Variants in BTG4 observed in about 807,000 individuals in gnomAD.
The protein encoded by BTG4 is BTG anti-proliferation factor 4, also known as protein BTG4.
BTG4 carries 10 observed loss-of-function variants against 19.3 expected under a neutral mutation model. That is an observed-to-expected ratio of 0.52 (90% CI 0.32 to 0.88). The LOEUF (loss-of-function observed/expected upper bound fraction) is 0.88, where lower values mean the gene tolerates loss of function less well. BTG4 is among the 40% of genes least tolerant of loss of function. The pLI is 0.04. For missense variants in BTG4, 238 were observed against 281.9 expected, an observed-to-expected ratio of 0.84 and a Z score of 1.11; for synonymous variants, 91 against 95.7, an observed-to-expected ratio of 0.95 and a Z score of 0.29.
the BTG4 span, among the ~76,000 whole-genome samples, chr11:111,411,694 G>C: frequency 0.22 from 33,121 of 152,118 alleles, 3,710 homozygotes; most frequent in East Asian, 0.29. Context: ...TGATACCGTT[G>C]CTGCTGGCCC....
chr11:111,466,095 T>C (rs1423197357), downstream of BTG4, among the ~76,000 whole-genome samples: 1 of 152,208 alleles, frequency 6.6e-6, no homozygotes, highest in Non-Finnish European at 1.5e-5. Context: ...ATCTTGTTTA[T>C]ATCTTCTAGT....
upstream of BTG4, chr11:111,514,725 CGGGGCA>C (rs1314265610): frequency 6.0e-6 from 7 of 1,157,740 alleles, no homozygotes; most frequent in African/African-American, 7.1e-5. Flanking sequence ...CTCGGAGGGG[CGGGGCA>C]GGGGCGGGGC....
At chr11:111,441,115 C>T in the BTG4 span, among the ~76,000 whole-genome samples, 8 of 144,458 alleles carry the variant, frequency 5.5e-5, no homozygotes, top group East Asian at 4.0e-4. Flanking sequence ...GCTCTCTTTT[C>T]TTTTTTTTTT....
chr11:111,385,027 C>T, the BTG4 span: 4 of 151,962 alleles, frequency 2.6e-5, no homozygotes, highest in Non-Finnish European at 5.9e-5. Context: ...GACAAATAAA[C>T]ATAAAAGTGG....
chr11:111,405,698 T>C, the BTG4 span, among the ~76,000 whole-genome samples: 1 of 152,172 alleles, frequency 6.6e-6, no homozygotes, highest in Admixed American at 6.5e-5. Flanking sequence ...GCTCACATTC[T>C]TCATAAAGAG....
chr11:111,414,493 C>T, the BTG4 span: 1 of 152,210 alleles, frequency 6.6e-6, no homozygotes, highest in African/African-American at 2.4e-5. Flanking sequence ...ACAGAAACCA[C>T]CAAATGTGGG....
intron 5 of BTG4, among the ~76,000 whole-genome samples, chr11:111,486,972 C>T (rs1177336559): frequency 6.6e-6 from 1 of 151,912 alleles, no homozygotes; most frequent in African/African-American, 2.4e-5. Context: ...GCTCTCCCTC[C>T]CCCCGCCTCC....
At chr11:111,467,501 G>A, downstream of BTG4, 4 of 533,216 alleles carry the variant, frequency 7.5e-6, no homozygotes, top group South Asian at 3.0e-5. Flanking sequence ...TAGCTGAGAT[G>A]CATGAGAATT....
chr11:111,497,231 T>A lies in BTG4; in HGVS notation c.490A>T (p.Asn164Tyr). 1 of 1,613,378 alleles carries A rather than the reference T, an allele frequency of 6.2e-7. No homozygotes were observed. Residue 164 changes from asparagine (N) to tyrosine (Y), a missense_variant, in exon 4 of 5, where the codon AAT becomes TAT. By Grantham distance (143) the Asn-to-Tyr change is moderately radical. Coordinates refer to ENST00000692032, the MANE Select transcript of BTG4 (RefSeq NM_001367975.1). ...TTGACCTGATAAATACTCTTCGGAT[T>A]GCTGACTTTAGGAATGACACGAGGT... ...KEPRVIPKVSNPKSIYQVENL... is the reference protein window; with the variant it reads ...KEPRVIPKVSYPKSIYQVENL...
intron 5 of BTG4, among the ~76,000 whole-genome samples, chr11:111,474,253 T>A (rs1864263378): frequency 6.6e-6 from 1 of 152,164 alleles, no homozygotes; most frequent in South Asian, 2.1e-4. Context: ...CCTCAACGAG[T>A]TGTCCAATGT....
chr11:111,410,813 C>G, the BTG4 span, among the ~76,000 whole-genome samples: 1 of 152,176 alleles, frequency 6.6e-6, no homozygotes, highest in Non-Finnish European at 1.5e-5. Context: ...ACAATTTTCC[C>G]CATCAAATCA....
the BTG4 span, among the ~76,000 whole-genome samples, chr11:111,443,782 T>C: frequency 3.3e-5 from 5 of 152,292 alleles, no homozygotes; most frequent in Middle Eastern, 3.4e-3. Context: ...GACGAGGACC[T>C]GGGTGCAACA....
At chr11:111,514,572 T>C, upstream of BTG4, 1 of 567,398 alleles carries the variant, frequency 1.8e-6, no homozygotes, top group South Asian at 2.0e-5. Context: ...GTTTTGACTC[T>C]CCCATATCCA....
At chr11:111,398,851 A>G in the BTG4 span, among the ~76,000 whole-genome samples, 8 of 152,096 alleles carry the variant, frequency 5.3e-5, no homozygotes, top group Non-Finnish European at 7.3e-5. Flanking sequence ...TAAACGTATC[A>G]TAAGTGATAT....
the BTG4 span, among the ~76,000 whole-genome samples, chr11:111,389,662 A>G: frequency 1.3e-4 from 20 of 152,380 alleles, no homozygotes; most frequent in African/African-American, 4.6e-4. Context: ...ACAGATTTTG[A>G]CTTGAACCCA....
the BTG4 span, among the ~76,000 whole-genome samples, chr11:111,439,279 C>G: frequency 2.6e-5 from 4 of 152,248 alleles, no homozygotes; most frequent in South Asian, 6.2e-4. Context: ...CCTTTCTCCC[C>G]CTCTGGAGGC....
intron 5 of BTG4, among the ~76,000 whole-genome samples, chr11:111,468,969 A>T (rs490486): frequency 0.34 from 52,307 of 152,148 alleles, 10,700 homozygotes; most frequent in East Asian, 0.6. Context: ...TGTTTTCTGT[A>T]AGATGGAGGC....
chr11:111,483,521 C>T (rs1023075974), intron 5 of BTG4, among the ~76,000 whole-genome samples: 2 of 151,972 alleles, frequency 1.3e-5, no homozygotes, highest in African/African-American at 4.8e-5. Context: ...TCAGAAAATT[C>T]AACAAAAAGA....
At chr11:111,447,666 A>T in the BTG4 span, among the ~76,000 whole-genome samples, 28 of 152,330 alleles carry the variant, frequency 1.8e-4, no homozygotes, top group East Asian at 4.0e-3. Flanking sequence ...AGATGGAGGC[A>T]TTCCTCCGGA....
Sources: allele counts gnomAD v4.1 joint callset (sites outside exome capture counted in the v4.1 genomes callset), GRCh38; gene constraint gnomAD v4.1.1; transcripts MANE v1.5; gene names NCBI Gene and HGNC (gene_info 2026-07-23, HGNC 2026-07-21).